SPATA18: variants seen among roughly 807,000 people sequenced by gnomAD.
The protein encoded by SPATA18 is mitochondria-eating protein.
SPATA18 carries 54 observed loss-of-function variants against 68.1 expected under a neutral mutation model. The ratio of observed to expected loss-of-function variants is 0.79; its 90% CI spans 0.64 to 0.99. SPATA18 has a LOEUF of 0.99. Among genes scored for constraint, SPATA18 ranks in the 50% least tolerant of loss-of-function variants. The pLI, the probability that SPATA18 is intolerant of heterozygous loss-of-function variation, is 0.00. For missense variants in SPATA18, 724 were observed against 681.1 expected (o/e 1.06, Z -0.70); for synonymous variants, 242 against 244.8 (o/e 0.99, Z 0.11).
intron 10 of SPATA18, chr4:52,082,802 G>C: frequency 5.0e-6 from 6 of 1,212,062 alleles, no homozygotes; most frequent in Non-Finnish European, 6.2e-6. Context: ...TAAAAACAAA[G>C]CCCTTTGAAG....
intron 10 of SPATA18, 110 bp downstream of exon 10, chr4:52,082,620 G>C: frequency 6.2e-7 from 1 of 1,600,088 alleles, no homozygotes; most frequent in Non-Finnish European, 8.5e-7. Flanking sequence ...GAGTTGATAA[G>C]ATTTCATACA....
In SPATA18 at chr4:52,072,045, A is replaced by G. The variant is rs1378548844; in HGVS notation, c.647A>G (p.Gln216Arg). The change falls in exon 6 of 13, where the codon CAG becomes CGG. Residue 216 changes from glutamine (Q) to arginine (R), a missense_variant. Physicochemically the swap from Gln to Arg is conservative, Grantham distance 43. Coordinates refer to ENST00000295213, the MANE Select transcript of SPATA18 (RefSeq NM_145263.4). ...CGTGAGCAGTGGAACTCACTCAAGC[A>G]GAATGCAGACCAGCAGGACACAGAA... is the stretch of plus-strand genomic sequence containing the variant. ...RKREQWNSLK[Q>R]NADQQDTEAM... 6.2e-7 allele frequency: 1 copy of G among 1,613,978 alleles called. No individual in the cohort carries two copies. Among genetic ancestry groups the G allele is most frequent in the South Asian group, 1.1e-5 (1 of 91,062 alleles).
chr4:52,065,531 C>T (rs1349755287), intron 4 of SPATA18, among the ~76,000 whole-genome samples: 3 of 152,114 alleles, frequency 2.0e-5, no homozygotes, highest in East Asian at 1.9e-4. Flanking sequence ...TTCCCAACAC[C>T]GTTTGTTGAA....
Position 52,051,421 on chromosome 4 carries a change from T to A in SPATA18, c.-284T>A. The A allele has an allele frequency of 2.3e-6, 1 of 439,242 alleles. No individual in the cohort carries two copies. Among genetic ancestry groups the A allele is most frequent in the East Asian group, 3.7e-5 (1 of 26,924 alleles). The allele number at this position is 439,242 out of a possible 1,614,324, so 27.2% of individuals were successfully genotyped here. On this transcript the variant is annotated 5_prime_UTR_variant, in exon 1 of 13. Coordinates refer to ENST00000295213, the MANE Select transcript of SPATA18 (RefSeq NM_145263.4). ...GTCCACGTCAAGGTTTGTTTAATAA[T>A]CGCCAGGGTATCTATGGCCGGGCTC...
chr4:52,054,164 T>C (rs904836553), intron 1 of SPATA18, among the ~76,000 whole-genome samples: 7 of 152,244 alleles, frequency 4.6e-5, no homozygotes, highest in African/African-American at 1.4e-4. Context: ...AAGAACAGAA[T>C]TTTTAATTTG....
In SPATA18 at chr4:52,072,080, G is replaced by T; in HGVS notation, c.682G>T (p.Asp228Tyr). The T allele has an allele frequency of 6.2e-7, 1 of 1,613,972 alleles. No homozygotes were observed. The highest frequency in any genetic ancestry group is 8.5e-7 in the Non-Finnish European group (1 of 1,180,016). The change falls in exon 6 of 13, where the codon GAT (aspartate) becomes TAT (tyrosine). Residue 228 changes from aspartate (D) to tyrosine (Y), a missense_variant. Transcript: ENST00000295213. Reference protein sequence around the residue: ...ADQQDTEAMSDYKKQLRNLKE... With the variant: ...ADQQDTEAMSYYKKQLRNLKE... ...CCAGCAGGACACAGAAGCCATGTCC[G>T]ATTATAAGAAACAGCTCCGAAACCT... is the stretch of plus-strand genomic sequence containing the variant.
chr4:52,055,348 G>T (rs899970857), intron 1 of SPATA18, among the ~76,000 whole-genome samples: 7 of 152,268 alleles, frequency 4.6e-5, no homozygotes, highest in Admixed American at 2.0e-4. Flanking sequence ...TGATACAGCT[G>T]TTTGAAGCAT....
At position 52,051,711 on chromosome 4, in the gene SPATA18, G is replaced by A; in HGVS notation, c.7G>A (p.Glu3Lys). 1 of 1,614,222 alleles carries A rather than the reference G, an allele frequency of 6.2e-7. No individual in the cohort carries two copies. Among genetic ancestry groups the A allele is most frequent in the South Asian group, 1.1e-5 (1 of 91,086 alleles). Reference protein sequence around the residue: MAENLKRLVSNET... With the variant: MAKNLKRLVSNET... ...CCGAGAGGAATAGTGAGCGATGGCGGAAAACCTGAAAAGACTGGTCTCAAA... is the reference window on the plus strand; with the variant it reads ...CCGAGAGGAATAGTGAGCGATGGCGAAAAACCTGAAAAGACTGGTCTCAAA... The change falls in exon 1 of 13, where the codon GAA (glutamate) becomes AAA (lysine). Residue 3 changes from glutamate (E) to lysine (K), a missense_variant. By Grantham distance (56) the Glu-to-Lys change is moderately conservative. Coordinates refer to ENST00000295213, the MANE Select transcript of SPATA18 (RefSeq NM_145263.4).
chr4:52,072,214 C>T (rs1739922519), intron 6 of SPATA18, 58 bp downstream of exon 6: 13 of 1,580,470 alleles, frequency 8.2e-6, no homozygotes, highest in Middle Eastern at 3.4e-4. Flanking sequence ...GTTAAGGGAT[C>T]GGGGAGGAGG....
chr4:52,060,371 C>G (rs183316171), intron 1 of SPATA18, 48 bp from the exon 2 acceptor site: 1 of 1,506,394 alleles, frequency 6.6e-7, no homozygotes, highest in Non-Finnish European at 9.2e-7. Context: ...TGCAGTGGGT[C>G]CCAGAGTGAA....
At chr4:52,058,978 GC>G (rs2109412981) in intron 1 of SPATA18, among the ~76,000 whole-genome samples, 1 of 152,266 alleles carries the variant, frequency 6.6e-6, no homozygotes, top group South Asian at 2.1e-4. Flanking sequence ...CACTAATAGA[GC>G]CTGGCATATA....
At chr4:52,065,379 T>C (rs1739230241) in intron 4 of SPATA18, among the ~76,000 whole-genome samples, 1 of 152,160 alleles carries the variant, frequency 6.6e-6, no homozygotes, top group African/African-American at 2.4e-5. Context: ...AACCAATATC[T>C]AAAAGAGTTT....
intron 11 of SPATA18, among the ~76,000 whole-genome samples, chr4:52,087,281 T>C (rs1226979875): frequency 1.3e-5 from 2 of 152,196 alleles, no homozygotes; most frequent in African/African-American, 4.8e-5. Context: ...TTAGATCCCA[T>C]TTGTCAATTT....
At chr4:52,052,665 C>A (rs1226031589) in intron 1 of SPATA18, among the ~76,000 whole-genome samples, 2 of 152,218 alleles carry the variant, frequency 1.3e-5, no homozygotes, top group East Asian at 3.8e-4. Context: ...ATGACGGAGT[C>A]AAATTATTTA....
rs1737896810 is a variant in SPATA18, at chr4:52,051,797, T to A, written c.87+6T>A. ...TCTGGCTGAAGGAGTACAACGTGAG[T>A]CTGGGTGAAAAACCCCCGGGGTTCG... On this transcript the variant is annotated splice_donor_region_variant and intron_variant, in intron 1 of 12. Coordinates refer to ENST00000295213, the MANE Select transcript of SPATA18 (RefSeq NM_145263.4). The A allele has an allele frequency of 6.2e-7, 1 of 1,613,206 alleles. No individual in the cohort carries two copies.
rs2109558459 is a variant in SPATA18 at position 52,096,708 on chromosome 4, G to T, written c.*1821G>T. 6.6e-6 allele frequency: 1 copy of T among 151,624 alleles called. No individual in the cohort carries two copies. Among genetic ancestry groups the T allele is most frequent in the Admixed American group, 6.6e-5 (1 of 15,214 alleles). The allele number at this position is 151,624 out of a possible 1,614,324, so 9.4% of individuals were successfully genotyped here. ...ATTGGCAACAGAAAATCACGGTGTT[G>T]TCATTGGATGTGACTTTCTGAAGTG... On this transcript the variant is annotated 3_prime_UTR_variant, in exon 13 of 13. Transcript: ENST00000295213.
intron 1 of SPATA18, among the ~76,000 whole-genome samples, chr4:52,053,527 T>G (rs927424012): frequency 2.0e-5 from 3 of 152,208 alleles, no homozygotes; most frequent in Non-Finnish European, 2.9e-5. Context: ...TAGGATGTGT[T>G]CCCATCTGAG....
intron 10 of SPATA18, chr4:52,083,099 A>G: frequency 3.2e-6 from 1 of 315,146 alleles, no homozygotes; most frequent in Non-Finnish European, 4.6e-6. Flanking sequence ...CCTTTAAAAA[A>G]AAGGAGTCTT....
intron 1 of SPATA18, 85 bp from the exon 2 acceptor site, chr4:52,060,334 G>A (rs1336327800): frequency 9.6e-7 from 1 of 1,045,814 alleles, no homozygotes; most frequent in South Asian, 1.5e-5. Flanking sequence ...CAGGCAGCTC[G>A]TGGGTCAAGT....
Sources: allele counts gnomAD v4.1 joint callset (sites outside exome capture counted in the v4.1 genomes callset), GRCh38; gene constraint gnomAD v4.1.1; transcripts MANE v1.5; gene names NCBI Gene and HGNC (gene_info 2026-07-23, HGNC 2026-07-21).